The following SPRED2 variants were observed in gnomAD, a reference collection of about 807,000 sequenced individuals.
The protein encoded by SPRED2 is sprouty-related, EVH1 domain-containing protein 2.
Under a neutral mutation model 43.0 loss-of-function variants are expected in SPRED2, and 47 were observed. The ratio of observed to expected loss-of-function variants is 1.09; its 90% CI spans 0.87 to 1.40. The LOEUF (loss-of-function observed/expected upper bound fraction) is 1.40. Among genes scored for constraint, SPRED2 ranks in the 40% most tolerant of loss-of-function variants. The pLI, the probability that SPRED2 is intolerant of heterozygous loss-of-function variation, is 0.00. For synonymous variants in SPRED2, 225 were observed against 225.7 expected, an observed-to-expected ratio of 1.00 and a Z score of 0.03; for missense variants, 561 against 586.4, an observed-to-expected ratio of 0.96 and a Z score of 0.45.
At chr2:65,386,065 G>A (rs557371161) in intron 1 of SPRED2, among the ~76,000 whole-genome samples, 11 of 152,188 alleles carry the variant, frequency 7.2e-5, no homozygotes, top group African/African-American at 2.6e-4. Flanking sequence ...CGGGAGGATC[G>A]CCTGAGGTCA....
chr2:65,358,202 G>A lies in SPRED2; in HGVS notation c.27-13306C>T, dbSNP rs1006962912. On this transcript the variant is annotated intron_variant, in intron 1 of 5. Transcript: ENST00000356388. ...GCCAGTGTTATGACACAATTATGAA[G>A]TTTCCAGGAGTGAAACTGGTTTATC... Among the ~76,000 whole-genome samples, 3 of 152,276 alleles carry A rather than the reference G, an allele frequency of 2.0e-5. No homozygotes were observed. The East Asian group carries it at 5.8e-4, about 29-fold the overall frequency.
chr2:65,307,932 C>G (rs1395263862), downstream of SPRED2, among the ~76,000 whole-genome samples: 1 of 152,232 alleles, frequency 6.6e-6, no homozygotes, highest in Non-Finnish European at 1.5e-5. Flanking sequence ...TTTCACAAGC[C>G]TCCTCCCCAC....
chr2:65,365,280 G>A (rs1674941518), intron 1 of SPRED2, among the ~76,000 whole-genome samples: 1 of 152,054 alleles, frequency 6.6e-6, no homozygotes, highest in Non-Finnish European at 1.5e-5. Context: ...ATTTAGAGAT[G>A]GTCTTGTCTC....
chr2:65,432,202 C>G lies in SPRED2; in HGVS notation c.-215G>C. The G allele has an allele frequency of 1.7e-6, 1 of 592,230 alleles. No individual in the cohort carries two copies. Among genetic ancestry groups the G allele is most frequent in the South Asian group, 2.0e-5 (1 of 50,418 alleles). 36.7% of individuals were successfully genotyped at this position (592,230 alleles called of 1,614,324 possible). On this transcript the variant is annotated 5_prime_UTR_variant, in exon 1 of 6. Coordinates refer to ENST00000356388, the MANE Select transcript of SPRED2 (RefSeq NM_181784.3). ...AAAGGCAGGCTGCGCGGGGAGTGAA[C>G]GCCGCAGCGCCGTGGGGAGAGGCGG...
At chr2:65,380,460 G>A (rs1463324167) in intron 1 of SPRED2, among the ~76,000 whole-genome samples, 2 of 152,064 alleles carry the variant, frequency 1.3e-5, no homozygotes, top group South Asian at 2.1e-4. Context: ...AACTGCCTTC[G>A]AGGCTAGTCA....
chr2:65,352,464 C>A (rs1431587689), intron 1 of SPRED2, among the ~76,000 whole-genome samples: 1 of 152,238 alleles, frequency 6.6e-6, no homozygotes, highest in Non-Finnish European at 1.5e-5. Flanking sequence ...TTCCTGTGAG[C>A]TCACAGTGCC....
Position 65,344,711 on chromosome 2 carries a change from G to A in SPRED2, c.204+8C>T, listed in dbSNP as rs1446433176. The A allele has an allele frequency of 1.2e-6, 2 of 1,613,496 alleles. No individual in the cohort carries two copies. Among genetic ancestry groups the A allele is most frequent in the East Asian group, 4.5e-5 (2 of 44,878 alleles). The stretch of plus-strand genomic sequence containing the variant: ...AATTTAACCCACGAGTTGTATGTCT[G>A]CCATTACCAGTTTGTCTTTCTGTCG... On this transcript the variant is annotated splice_region_variant and intron_variant, in intron 2 of 5. Coordinates refer to ENST00000356388, the MANE Select transcript of SPRED2 (RefSeq NM_181784.3).
chr2:65,316,274 C>T (rs1377909173), intron 5 of SPRED2, among the ~76,000 whole-genome samples: 1 of 152,240 alleles, frequency 6.6e-6, no homozygotes, highest in East Asian at 1.9e-4. Context: ...AGGCTGGGGG[C>T]TCGAGCCAAG....
chr2:65,370,883 C>T (rs574660651), intron 1 of SPRED2, among the ~76,000 whole-genome samples: 10 of 152,240 alleles, frequency 6.6e-5, no homozygotes, highest in Non-Finnish European at 1.0e-4. Context: ...TCCCCTCCCC[C>T]GAAGTCACAT....
At chr2:65,350,367 T>C (rs1674473302) in intron 1 of SPRED2, among the ~76,000 whole-genome samples, 1 of 152,176 alleles carries the variant, frequency 6.6e-6, no homozygotes, top group Admixed American at 6.5e-5. Flanking sequence ...AATTAACAAC[T>C]GCTGTAATGG....
In SPRED2 at chr2:65,390,583, G is replaced by A. The variant is rs113009934; in HGVS notation, c.26+41379C>T. 5.5e-3 allele frequency among the ~76,000 whole-genome samples: 844 copies of A among 152,316 alleles called. 4 individuals carry two copies. Among genetic ancestry groups the A allele is most frequent in the African/African-American group, 0.018 (760 of 41,564 alleles). On this transcript the variant is annotated intron_variant, in intron 1 of 5. Transcript: ENST00000356388. ...TCCAGATTCTGTCAAGGGCTGTGTG[G>A]CTATGGGTGAATTACTCCATGTCTC...
intron 1 of SPRED2, among the ~76,000 whole-genome samples, chr2:65,412,712 C>G (rs543841148): frequency 2.6e-4 from 40 of 152,278 alleles, no homozygotes; most frequent in African/African-American, 9.4e-4. Context: ...TATGAGAATA[C>G]AGCTTCTTCA....
intron 4 of SPRED2, among the ~76,000 whole-genome samples, chr2:65,322,765 T>C (rs1673469356): frequency 6.6e-6 from 1 of 152,108 alleles, no homozygotes; most frequent in African/African-American, 2.4e-5. Context: ...GTAATTGGAG[T>C]GATTATAAAG....
chr2:65,382,175 G>T (rs1357457171), intron 1 of SPRED2, among the ~76,000 whole-genome samples: 3 of 152,056 alleles, frequency 2.0e-5, no homozygotes, highest in Non-Finnish European at 4.4e-5. Context: ...ATTTAAACAA[G>T]AAAATAAAAT....
At chr2:65,383,809 G>A (rs545590152) in intron 1 of SPRED2, among the ~76,000 whole-genome samples, 17 of 152,348 alleles carry the variant, frequency 1.1e-4, no homozygotes, top group Admixed American at 9.8e-4. Context: ...TGGAACTGGA[G>A]CCCAGCCTCA....
At chr2:65,390,066 A>G (rs916419914) in intron 1 of SPRED2, among the ~76,000 whole-genome samples, 2 of 152,230 alleles carry the variant, frequency 1.3e-5, no homozygotes, top group Non-Finnish European at 2.9e-5. Context: ...TCTTCCTGCA[A>G]TTCGCAGAGA....
intron 1 of SPRED2, among the ~76,000 whole-genome samples, chr2:65,351,092 A>G (rs1016872780): frequency 1.6e-4 from 25 of 152,200 alleles, no homozygotes; most frequent in African/African-American, 5.8e-4. Context: ...TCCTTGAAAC[A>G]CCAGCTTCCC....
intron 1 of SPRED2, among the ~76,000 whole-genome samples, chr2:65,347,471 C>T (rs1674386001): frequency 6.6e-6 from 1 of 151,928 alleles, no homozygotes; most frequent in Admixed American, 6.5e-5. Flanking sequence ...CTCCTACCCC[C>T]TCACTCTCAG....
intron 1 of SPRED2, among the ~76,000 whole-genome samples, chr2:65,430,050 G>C (rs1425390906): frequency 6.6e-6 from 1 of 152,158 alleles, no homozygotes; most frequent in Non-Finnish European, 1.5e-5. Flanking sequence ...ACCTCTCCAA[G>C]AATCTGCAAG....
Sources: allele counts gnomAD v4.1 joint callset (sites outside exome capture counted in the v4.1 genomes callset), GRCh38; gene constraint gnomAD v4.1.1; transcripts MANE v1.5; gene names NCBI Gene and HGNC (gene_info 2026-07-23, HGNC 2026-07-21).